LDB3: variants seen among roughly 807,000 people sequenced by gnomAD.
LDB3 encodes the protein LIM domain-binding protein 3.
LDB3 carries 49 observed loss-of-function variants against 69.0 expected under a neutral mutation model. The observed-to-expected ratio is 0.71, with a 90% confidence interval of 0.56 to 0.90. The LOEUF (loss-of-function observed/expected upper bound fraction) is 0.90, where lower values mean the gene tolerates loss of function less well. LDB3 is among the 40% of genes least tolerant of loss of function. The pLI, the probability that LDB3 is intolerant of heterozygous loss-of-function variation, is 0.00. For synonymous variants in LDB3, 387 were observed against 396.2 expected, an observed-to-expected ratio of 0.98 and a Z score of 0.28; for missense variants, 928 against 974.1, an observed-to-expected ratio of 0.95 and a Z score of 0.63.
Position 86,699,196 on chromosome 10 carries a change from T to G in LDB3, c.896+6625T>G. ...ATGGTGAACACATTCCCTAACCCCT[T>G]TCATTCTCCCTCTCTTCTCTCTCTT... On this transcript the variant is annotated intron_variant, in intron 7 of 13. Coordinates refer to ENST00000361373, the MANE Select transcript of LDB3 (RefSeq NM_007078.3). The surrounding 1 kb of genome is among the most constrained non-coding windows in gnomAD (Gnocchi z 4.9). 6.5e-7 allele frequency: 1 copy of G among 1,543,704 alleles called. No individual in the cohort carries two copies. The highest frequency in any genetic ancestry group is 8.9e-7 in the Non-Finnish European group (1 of 1,121,948).
chr10:86,711,300 C>A (rs1381240340), intron 9 of LDB3, among the ~76,000 whole-genome samples: 1 of 152,026 alleles, frequency 6.6e-6, no homozygotes, highest in African/African-American at 2.4e-5. Context: ...GCGGCCAGCC[C>A]GCCCTGCGTC....
At chr10:86,684,126 A>G (rs529875174) in intron 5 of LDB3, among the ~76,000 whole-genome samples, 1 of 152,364 alleles carries the variant, frequency 6.6e-6, no homozygotes, top group African/African-American at 2.4e-5. Context: ...GATGTGGTGC[A>G]AGGGCAGACG....
intron 5 of LDB3, among the ~76,000 whole-genome samples, chr10:86,684,670 T>C (rs79102492): frequency 0.13 from 20,276 of 152,134 alleles, 1,533 homozygotes; most frequent in African/African-American, 0.2. Context: ...GAGCCTGGCT[T>C]CCCAGGGTTT....
chr10:86,731,225 C>CT lies in LDB3; in HGVS notation c.2095-1645dup, dbSNP rs200417366. On this transcript the variant is annotated intron_variant, in intron 13 of 13. Coordinates refer to ENST00000361373, the MANE Select transcript of LDB3 (RefSeq NM_007078.3). ...TCTCTGCATACTTTTCCATATCTAC[C>CT]TTTTTTTTTTTTTTTTTGAGACGGA... is the stretch of plus-strand genomic sequence containing the variant. Among the ~76,000 whole-genome samples the CT allele has an allele frequency of 3.3e-3, 382 of 115,878 alleles. 2 individuals are homozygous for CT. Among genetic ancestry groups the CT allele is most frequent in the African/African-American group, 5.8e-3 (159 of 27,556 alleles). 76.0% of individuals were successfully genotyped at this position (115,878 alleles called of 152,430 possible).
chr10:86,704,007 G>A (rs1480603610), intron 7 of LDB3, among the ~76,000 whole-genome samples: 1 of 151,980 alleles, frequency 6.6e-6, no homozygotes, highest in Non-Finnish European at 1.5e-5. Flanking sequence ...ACAGCTACTC[G>A]GGAGGCTGGG....
At chr10:86,700,737 G>A (rs1201413522) in intron 7 of LDB3, among the ~76,000 whole-genome samples, 1 of 152,214 alleles carries the variant, frequency 6.6e-6, no homozygotes, top group Admixed American at 6.5e-5. Context: ...TCAGGCTCAT[G>A]TCCTGCTGAG....
intron 7 of LDB3, chr10:86,700,203 T>C (rs774003206): frequency 2.4e-5 from 10 of 411,246 alleles, no homozygotes; most frequent in African/African-American, 1.5e-4. Flanking sequence ...GTCCTGCTGC[T>C]CTCCTGCCCC....
intron 9 of LDB3, among the ~76,000 whole-genome samples, chr10:86,713,942 C>G (rs961099137): frequency 2.6e-5 from 4 of 152,152 alleles, no homozygotes; most frequent in Admixed American, 2.0e-4. Flanking sequence ...CAACCCTAGG[C>G]GCTACCAGTC....
rs373546361 is a variant in LDB3 at position 86,709,951 on chromosome 10, C to T, written c.1132C>T (p.Pro378Ser). ...YSPAVAASSA[P>S]ATHTSYSEGP... ...CCCCGCAGTGGCCGCCTCTTCAGCA[C>T]CTGCCACCCACACCAGCTACAGTGA... The change falls in exon 9 of 14, where the codon CCT becomes TCT. Residue 378 changes from proline (P) to serine (S), a missense_variant. Physicochemically the swap from Pro to Ser is moderately conservative, Grantham distance 74 (BLOSUM62 -1). Transcript: ENST00000361373. 10 of 1,612,850 alleles carry T rather than the reference C, an allele frequency of 6.2e-6. No individual in the cohort carries two copies. The highest frequency in any genetic ancestry group is 8.5e-6 in the Non-Finnish European group (10 of 1,180,008).
chr10:86,699,751 A>G lies in LDB3; in HGVS notation c.897-6780A>G. ...CGCTGCTCAGTTTCCCACCATCCTC[A>G]GCTCCTGGCCTCATCCCCTCCTAGA... is the stretch of plus-strand genomic sequence containing the variant. On this transcript the variant is annotated intron_variant, in intron 7 of 13. Transcript: ENST00000361373. This position sits in a 1 kb window ranked among gnomAD's most constrained non-coding sequence, Gnocchi z 4.9. 1 of 1,115,224 alleles carries G rather than the reference A, an allele frequency of 9.0e-7. No individual in the cohort carries two copies. Among genetic ancestry groups the G allele is most frequent in the Non-Finnish European group, 1.1e-6 (1 of 905,178 alleles). The allele number at this position is 1,115,224 out of a possible 1,614,324, so 69.1% of individuals were successfully genotyped here.
intron 9 of LDB3, chr10:86,710,282 G>A (rs1415951559): frequency 8.1e-6 from 8 of 984,458 alleles, no homozygotes; most frequent in Admixed American, 6.1e-5. Flanking sequence ...AAGGGAGAGC[G>A]AAGGAGAGCA....
intron 13 of LDB3, among the ~76,000 whole-genome samples, chr10:86,727,709 C>CTT (rs1847303682): frequency 6.6e-6 from 1 of 152,186 alleles, no homozygotes; most frequent in African/African-American, 2.4e-5. Context: ...CAATCCTTGG[C>CTT]ATTTCTTGGC....
chr10:86,682,672 G>A (rs185359399), intron 5 of LDB3, among the ~76,000 whole-genome samples: 1 of 152,308 alleles, frequency 6.6e-6, no homozygotes, highest in Non-Finnish European at 1.5e-5. Flanking sequence ...GTGGTTCAGG[G>A]TTCCTCCTCC....
At chr10:86,719,705 A>T (rs1265953448) in intron 12 of LDB3, among the ~76,000 whole-genome samples, 1 of 152,228 alleles carries the variant, frequency 6.6e-6, no homozygotes, top group African/African-American at 2.4e-5. Context: ...TATTTATCAG[A>T]CTTTGATGTT....
chr10:86,672,986 G>A (rs2354360), intron 2 of LDB3, among the ~76,000 whole-genome samples: 43,213 of 152,162 alleles, frequency 0.28, 7,141 homozygotes, highest in East Asian at 0.46. Context: ...TTCCCTTTCT[G>A]CATGGTCCCC....
chr10:86,713,840 G>A (rs1034115724), intron 9 of LDB3, among the ~76,000 whole-genome samples: 1 of 152,186 alleles, frequency 6.6e-6, no homozygotes, highest in Non-Finnish European at 1.5e-5. Flanking sequence ...TGTGGGGCAG[G>A]CAGGGTGTCA....
intron 12 of LDB3, among the ~76,000 whole-genome samples, chr10:86,723,169 C>T (rs914478282): frequency 6.7e-6 from 1 of 148,196 alleles, no homozygotes; most frequent in Non-Finnish European, 1.5e-5. Context: ...GCTCAGGAGC[C>T]TGAGGTGGGA....
At chr10:86,683,156 C>A (rs1845258604) in intron 5 of LDB3, among the ~76,000 whole-genome samples, 1 of 151,994 alleles carries the variant, frequency 6.6e-6, no homozygotes, top group Admixed American at 6.5e-5. Context: ...AGGAACTGGC[C>A]TCAGGCAGAG....
intron 5 of LDB3, among the ~76,000 whole-genome samples, chr10:86,689,227 G>A (rs1052449328): frequency 5.9e-5 from 9 of 151,940 alleles, no homozygotes; most frequent in African/African-American, 1.7e-4. Context: ...TGATGGACGC[G>A]CACTCACGGC....
Sources: allele counts gnomAD v4.1 joint callset (sites outside exome capture counted in the v4.1 genomes callset), GRCh38; gene constraint gnomAD v4.1.1; non-coding constraint Gnocchi (gnomAD v3.1); transcripts MANE v1.5; gene names NCBI Gene and HGNC (gene_info 2026-07-23, HGNC 2026-07-21).